Variants in CCDC187 observed in about 807,000 individuals in gnomAD.
The protein encoded by CCDC187 is coiled-coil domain-containing protein 187.
CCDC187 carries 32 observed loss-of-function variants against 38.0 expected under a neutral mutation model. That is an observed-to-expected ratio of 0.84 (90% CI 0.64 to 1.13). The LOEUF (loss-of-function observed/expected upper bound fraction) is 1.13. CCDC187 is among the 50% of genes most tolerant of loss of function. The pLI, the probability that CCDC187 is intolerant of heterozygous loss-of-function variation, is 0.00. For missense variants in CCDC187, 707 were observed against 786.8 expected (o/e 0.90, Z 1.21); for synonymous variants, 333 against 347.9 (o/e 0.96, Z 0.48).
Position 136,290,692 on chromosome 9 carries a change from C to A in CCDC187, c.1921G>T (p.Glu641Ter). The A allele has an allele frequency of 2.5e-6, 1 of 398,594 alleles. No individual in the cohort carries two copies. The highest frequency in any genetic ancestry group is 4.4e-6 in the Non-Finnish European group (1 of 226,046). The allele number at this position is 398,594 out of a possible 1,614,324, so 24.7% of individuals were successfully genotyped here. ...GCCTGCGCCTTCTGGCGCATGAACTCCCGCAAGGACTCAGAGCTGTGCGAG... is the reference window on the plus strand; with the variant it reads ...GCCTGCGCCTTCTGGCGCATGAACTACCGCAAGGACTCAGAGCTGTGCGAG... ...GPSHSSESLR[E>*]FMRQKAQARR... The change falls in exon 6 of 26, where the codon GAG becomes TAG. Residue 641 changes from glutamate to a stop codon, truncating the protein, a stop_gained. Coordinates refer to ENST00000638797, the MANE Select transcript of CCDC187 (RefSeq NM_001378188.1). LOFTEE classifies it high-confidence loss of function.
intron 17 of CCDC187, 143 bp from the exon 18 acceptor site, chr9:136,263,941 C>A (rs1385961630): frequency 2.2e-5 from 11 of 492,158 alleles, no homozygotes; most frequent in Non-Finnish European, 2.6e-5. Context: ...CCTTTGCCCG[C>A]CCCTCCTGCC....
At chr9:136,304,821 G>C (rs1336773949), upstream of CCDC187, among the ~76,000 whole-genome samples, 7 of 152,346 alleles carry the variant, frequency 4.6e-5, no homozygotes, top group African/African-American at 1.7e-4. Flanking sequence ...GCACGGATTT[G>C]TTCCAGGAAT....
chr9:136,268,853 C>T (rs961410470), intron 14 of CCDC187, among the ~76,000 whole-genome samples: 9 of 152,218 alleles, frequency 5.9e-5, no homozygotes, highest in South Asian at 4.2e-4. Flanking sequence ...AGGAGACTTG[C>T]GATGCTCACG....
At position 136,302,762 on chromosome 9, in the gene CCDC187, C is replaced by T. The variant is rs910863389; in HGVS notation, c.625+50G>A. On this transcript the variant is annotated intron_variant, in intron 2 of 25. Coordinates refer to ENST00000638797, the MANE Select transcript of CCDC187 (RefSeq NM_001378188.1). The stretch of plus-strand genomic sequence containing the variant: ...CCGATCCTGCCCGCTTTCCACCCTC[C>T]CGACAGCCTCGCAGCCCTCCTGCCC... 1.3e-4 allele frequency: 53 copies of T among 399,118 alleles called. No individual in the cohort carries two copies. In the South Asian group the frequency reaches 2.4e-3, roughly 18 times the overall value. The allele number at this position is 399,118 out of a possible 1,614,324, so 24.7% of individuals were successfully genotyped here. A position where few individuals can be genotyped will look rare whatever the true frequency, so the allele number is the denominator to read the frequency against.
intron 10 of CCDC187, among the ~76,000 whole-genome samples, chr9:136,280,519 C>A (rs938307095): frequency 6.6e-6 from 1 of 152,202 alleles, no homozygotes; most frequent in Non-Finnish European, 1.5e-5. Flanking sequence ...CACACATGCA[C>A]GTGCACACAC....
Position 136,251,886 on chromosome 9 carries a change from G to A in CCDC187, c.*1708C>T, listed in dbSNP as rs184797556. ...CGGTCCACCCCGGGAAGGTCCAGGC[G>A]ACCGTCCCGCGGAGCCGGCCGCCCA... On this transcript the variant is annotated 3_prime_UTR_variant, in exon 26 of 26. Coordinates refer to ENST00000638797, the MANE Select transcript of CCDC187 (RefSeq NM_001378188.1). 313 of 138,164 alleles carry A rather than the reference G, an allele frequency of 2.3e-3. 1 individual carries two copies. The highest frequency in any genetic ancestry group is 6.7e-3 in the African/African-American group (247 of 36,978). 8.6% of individuals were successfully genotyped at this position (138,164 alleles called of 1,614,324 possible).
intron 19 of CCDC187, among the ~76,000 whole-genome samples, chr9:136,261,972 C>T (rs1442630968): frequency 6.6e-6 from 1 of 152,140 alleles, no homozygotes; most frequent in Non-Finnish European, 1.5e-5. Context: ...GCCAGGCTCT[C>T]GGGCAGCGGC....
At chr9:136,270,138 G>C (rs1266965562) in intron 14 of CCDC187, among the ~76,000 whole-genome samples, 1 of 152,248 alleles carries the variant, frequency 6.6e-6, no homozygotes, top group African/African-American at 2.4e-5. Flanking sequence ...GTAAGCTCCA[G>C]CCCTACGGGG....
chr9:136,258,887 T>A lies in CCDC187; in HGVS notation c.4366+45A>T. ...CAGGCTCTGCTGGATGTGGGGGAAG[T>A]GTCTGGCGCCGTGGAGGCCCACGCG... On this transcript the variant is annotated intron_variant, in intron 22 of 25. Coordinates refer to ENST00000638797, the MANE Select transcript of CCDC187 (RefSeq NM_001378188.1). This position sits in a 1 kb window ranked among gnomAD's most constrained non-coding sequence, Gnocchi z 4.3. 1.0e-6 allele frequency: 1 copy of A among 985,404 alleles called. No individual in the cohort carries two copies. The highest frequency in any genetic ancestry group is 1.2e-6 in the Non-Finnish European group (1 of 829,990). 61.0% of individuals were successfully genotyped at this position (985,404 alleles called of 1,614,324 possible).
upstream of CCDC187, among the ~76,000 whole-genome samples, chr9:136,304,908 C>T (rs1831775349): frequency 6.6e-6 from 1 of 152,210 alleles, no homozygotes; most frequent in South Asian, 2.1e-4. Context: ...TCTAGGAAGG[C>T]ACGAAGGATG....
rs1007229997 is a variant in CCDC187, at chr9:136,290,885, G to C, written c.1728C>G (p.Ser576=). 1 of 398,494 alleles carries C rather than the reference G, an allele frequency of 2.5e-6. No homozygotes were observed. The highest frequency in any genetic ancestry group is 4.4e-6 in the Non-Finnish European group (1 of 226,054). The allele number at this position is 398,494 out of a possible 1,614,324, so 24.7% of individuals were successfully genotyped here. Residue 576 remains serine, a synonymous_variant, in exon 6 of 26, where the codon TCC becomes TCG. Coordinates refer to ENST00000638797, the MANE Select transcript of CCDC187 (RefSeq NM_001378188.1). ...SPPAQRPWSS[S]GVQRAGPQGK... is the part of the protein sequence containing the mutation. ...CCTGGGGGCCGGCCCTCTGCACGCCGGAGCTGCTCCAGGGCCGCTGGGCTG... is the reference window on the plus strand; with the variant it reads ...CCTGGGGGCCGGCCCTCTGCACGCCCGAGCTGCTCCAGGGCCGCTGGGCTG...
Position 136,251,244 on chromosome 9 carries a change from G to A in CCDC187, c.*2350C>T, listed in dbSNP as rs1361552572. On this transcript the variant is annotated 3_prime_UTR_variant, in exon 26 of 26. Coordinates refer to ENST00000638797, the MANE Select transcript of CCDC187 (RefSeq NM_001378188.1). Reference sequence around the variant, plus strand: ...TTACAGGGGTCCCAGTGAATCCTCTGGAAGCAAAGAAAAGTCCATGGCACC... The same window carrying A: ...TTACAGGGGTCCCAGTGAATCCTCTAGAAGCAAAGAAAAGTCCATGGCACC... The A allele has an allele frequency of 3.0e-6, 1 of 334,346 alleles. No homozygotes were observed. The highest frequency in any genetic ancestry group is 4.0e-5 in the Admixed American group (1 of 25,104). The allele number at this position is 334,346 out of a possible 1,614,324, so 20.7% of individuals were successfully genotyped here.
At chr9:136,259,859 G>C (rs1316534905) in intron 20 of CCDC187, among the ~76,000 whole-genome samples, 4 of 152,192 alleles carry the variant, frequency 2.6e-5, no homozygotes, top group Admixed American at 2.6e-4. Flanking sequence ...TGGTTTCCCG[G>C]CTGGCACACC....
chr9:136,267,667 C>T, intron 15 of CCDC187, 156 bp from the exon 16 acceptor site: 19 of 962,110 alleles, frequency 2.0e-5, no homozygotes, highest in Non-Finnish European at 2.3e-5. Context: ...ACTGCCCGCC[C>T]CTCCCATCCC....
At chr9:136,298,577 G>C (rs1454500062) in intron 3 of CCDC187, among the ~76,000 whole-genome samples, 1 of 152,258 alleles carries the variant, frequency 6.6e-6, no homozygotes, top group Non-Finnish European at 1.5e-5. Flanking sequence ...AACCACAGAA[G>C]AGGACCCTGG....
intron 7 of CCDC187, among the ~76,000 whole-genome samples, chr9:136,289,116 ATGAATGAGCCTGGAAAACGTTATCT>A (rs1186937572): frequency 3.3e-4 from 51 of 152,376 alleles, no homozygotes; most frequent in East Asian, 2.9e-3. Context: ...AAGCTGCAAC[ATGAATGAGCCTGGAAAACGTTATCT>A]TGAATGAGCC....
Position 136,253,585 on chromosome 9 carries a change from G to C in CCDC187, c.*9C>G. The C allele has an allele frequency of 1.0e-6, 1 of 985,480 alleles. No homozygotes were observed. The highest frequency in any genetic ancestry group is 1.2e-6 in the Non-Finnish European group (1 of 829,908). 61.0% of individuals were successfully genotyped at this position (985,480 alleles called of 1,614,324 possible). ...CACCCGGACCAGCCACCCCTGGGCA[G>C]AGCCCCAACTACTGGGTTCCCGCCG... On this transcript the variant is annotated 3_prime_UTR_variant, in exon 26 of 26. Transcript: ENST00000638797.
At chr9:136,267,971 G>A in intron 15 of CCDC187, 78 bp downstream of exon 15, 1 of 985,454 alleles carries the variant, frequency 1.0e-6, no homozygotes, top group Non-Finnish European at 1.2e-6. Flanking sequence ...TGGAAGGACA[G>A]TTGGGTCCGG....
chr9:136,287,720 G>A (rs1253224673), intron 7 of CCDC187, among the ~76,000 whole-genome samples: 3 of 152,350 alleles, frequency 2.0e-5, no homozygotes, highest in Middle Eastern at 3.4e-3. Flanking sequence ...AAAAGGACAA[G>A]CATGGCGTGT....
Sources: gnomAD v4.1 joint callset for allele counts (sites outside exome capture counted in the v4.1 genomes callset) on GRCh38, gnomAD v4.1.1 for gene constraint, Gnocchi (gnomAD v3.1) non-coding constraint, MANE v1.5 for transcripts, NCBI Gene and HGNC (gene_info 2026-07-23, HGNC 2026-07-21) for gene names.